SI: variants seen among roughly 807,000 people sequenced by gnomAD.
The protein encoded by SI is sucrase-isomaltase, also known as sucrase-isomaltase, intestinal.
In SI, 235 loss-of-function variants were observed where a neutral mutation model predicts 253.3. The ratio of observed to expected loss-of-function variants is 0.93; its 90% CI spans 0.83 to 1.03. The LOEUF (loss-of-function observed/expected upper bound fraction) is 1.03. Among genes scored for constraint, SI ranks in the 50% least tolerant of loss-of-function variants. The pLI, the probability that SI is intolerant of heterozygous loss-of-function variation, is 0.00. For missense variants in SI, 2,442 were observed against 2,211.1 expected (o/e 1.10, Z -2.09); for synonymous variants, 819 against 712.0 (o/e 1.15, Z -2.39).
chr3:165,023,438 T>C (rs909757073), intron 26 of SI, 132 bp downstream of exon 26: 1 of 706,174 alleles, frequency 1.4e-6, no homozygotes, highest in African/African-American at 1.8e-5. Context: ...GGAAAAAATA[T>C]TTTTATAAAA....
chr3:165,012,720 G>T (rs895407006), intron 34 of SI, among the ~76,000 whole-genome samples: 4 of 152,026 alleles, frequency 2.6e-5, no homozygotes, highest in Non-Finnish European at 2.9e-5. Flanking sequence ...ATGAGCCACC[G>T]TGCCAGGCCA....
Position 164,979,322 on chromosome 3 carries a change from G to A in SI, c.*40C>T. 8.7e-7 allele frequency: 1 copy of A among 1,155,978 alleles called. No individual in the cohort carries two copies. Among genetic ancestry groups the A allele is most frequent in the Non-Finnish European group, 1.3e-6 (1 of 765,844 alleles). The allele number at this position is 1,155,978 out of a possible 1,614,324, so 71.6% of individuals were successfully genotyped here. On this transcript the variant is annotated 3_prime_UTR_variant, in exon 48 of 48. Coordinates refer to ENST00000264382, the MANE Select transcript of SI (RefSeq NM_001041.4). Reference sequence around the variant, plus strand: ...GTAAGTGCTGTGAAACTTAAATCCTGGTGTTTTTTCCCATTGACAACTAAA... The same window carrying A: ...GTAAGTGCTGTGAAACTTAAATCCTAGTGTTTTTTCCCATTGACAACTAAA...
chr3:164,979,546 T>C (rs1441755378), intron 47 of SI, 116 bp from the exon 48 acceptor site: 7 of 587,328 alleles, frequency 1.2e-5, no homozygotes, highest in Middle Eastern at 4.7e-4. Context: ...TTTTCTTTTA[T>C]ATCTTGAGAA....
chr3:164,982,699 C>T (rs1717249298), intron 46 of SI, among the ~76,000 whole-genome samples: 2 of 152,056 alleles, frequency 1.3e-5, no homozygotes, highest in Non-Finnish European at 2.9e-5. Flanking sequence ...TCCATTACTG[C>T]CAGGCTGGAG....
chr3:165,031,832 A>T (rs1712263292), intron 24 of SI, among the ~76,000 whole-genome samples: 1 of 151,192 alleles, frequency 6.6e-6, no homozygotes, highest in South Asian at 2.1e-4. Context: ...AAGCAACATT[A>T]TGATTGAAAT....
the SI span, among the ~76,000 whole-genome samples, chr3:165,084,770 G>T: frequency 6.6e-6 from 1 of 152,046 alleles, no homozygotes; most frequent in East Asian, 1.9e-4. Flanking sequence ...ATTGGAAACA[G>T]CTATTCTAAA....
At chr3:165,058,229 T>C (rs898887947) in intron 12 of SI, among the ~76,000 whole-genome samples, 1 of 151,922 alleles carries the variant, frequency 6.6e-6, no homozygotes, top group Non-Finnish European at 1.5e-5. Context: ...TTACAAATGT[T>C]TTTAAAACAA....
chr3:165,013,250 A>C (rs1718854480), intron 33 of SI, among the ~76,000 whole-genome samples: 1 of 152,196 alleles, frequency 6.6e-6, no homozygotes, highest in Non-Finnish European at 1.5e-5. Flanking sequence ...TTAATATGGC[A>C]AATACAAAAT....
At chr3:165,027,128 G>A (rs1344671087) in intron 25 of SI, among the ~76,000 whole-genome samples, 8 of 151,354 alleles carry the variant, frequency 5.3e-5, no homozygotes, top group Admixed American at 4.0e-4. Flanking sequence ...AATGAAATGC[G>A]AGATACTACA....
chr3:165,037,846 A>C, intron 21 of SI, 54 bp downstream of exon 21: 1 of 1,238,406 alleles, frequency 8.1e-7, no homozygotes, highest in Non-Finnish European at 1.2e-6. Context: ...GCAAATATGA[A>C]ATATTAAGAT....
chr3:164,993,946 A>T (rs796844777), intron 41 of SI, among the ~76,000 whole-genome samples: 15 of 151,780 alleles, frequency 9.9e-5, no homozygotes, highest in African/African-American at 3.4e-4. Flanking sequence ...CTCCCTGGAA[A>T]TGTTGAGAAT....
Position 165,019,721 on chromosome 3 carries a change from T to C in SI, c.3304A>G (p.Ile1102Val). The stretch of plus-strand genomic sequence containing the variant: ...TATTCTGATGGCAGGCGAGTCGATA[T>C]TTGAATGAACTGGTCATTAAAAGCA... ...GFAFNDQFIQ[I>V]STRLPSEYIY... The change falls in exon 28 of 48, where the codon ATA (isoleucine) becomes GTA (valine). Residue 1102 changes from isoleucine (I) to valine (V), a missense_variant. Transcript: ENST00000264382. 1 of 1,612,788 alleles carries C rather than the reference T, an allele frequency of 6.2e-7. No individual in the cohort carries two copies. Among genetic ancestry groups the C allele is most frequent in the Non-Finnish European group, 8.5e-7 (1 of 1,179,120 alleles).
At chr3:165,074,868 G>T (rs575918020) in intron 2 of SI, among the ~76,000 whole-genome samples, 32 of 152,094 alleles carry the variant, frequency 2.1e-4, no homozygotes, top group African/African-American at 6.5e-4. Flanking sequence ...TTTTAAAATT[G>T]ACAGTGTAGA....
chr3:165,032,729 A>T (rs374912635), intron 23 of SI, 37 bp from the exon 24 acceptor site: 166 of 1,385,752 alleles, frequency 1.2e-4, no homozygotes, highest in Non-Finnish European at 1.6e-4. Flanking sequence ...ATATTAGGTC[A>T]TCAGATACAA....
rs1452392007 is a variant in SI, at chr3:164,979,395, A to T, written c.5451T>A (p.Thr1817=). Residue 1817 remains threonine, a synonymous_variant, in exon 48 of 48, where the codon ACT becomes ACA. Transcript: ENST00000264382. ...AGTTGATTTCTATTGGTTCTTCTAG[A>T]GTAACATTGTGTGTGGTCAGATCAA... ...LRIDLTTHNV[T]LEEPIEINWS The T allele has an allele frequency of 6.3e-7, 1 of 1,590,216 alleles. No homozygotes were observed. Among genetic ancestry groups the T allele is most frequent in the Non-Finnish European group, 8.6e-7 (1 of 1,159,708 alleles).
At chr3:164,998,474 C>G in intron 38 of SI, 66 bp downstream of exon 38, 1 of 1,522,216 alleles carries the variant, frequency 6.6e-7, no homozygotes, top group East Asian at 2.3e-5. Context: ...TATGACCTAG[C>G]ACCAGCAAAA....
intron 12 of SI, 43 bp downstream of exon 12, chr3:165,058,920 A>T (rs1357777926): frequency 1.3e-6 from 2 of 1,553,534 alleles, no homozygotes; most frequent in Admixed American, 1.7e-5. Flanking sequence ...ATTTCAGAGA[A>T]GAAAATTTGA....
Position 164,991,495 on chromosome 3 carries a change from G to A in SI, c.4984-18C>T, listed in dbSNP as rs763052713. The A allele has an allele frequency of 1.9e-6, 3 of 1,612,986 alleles. No individual in the cohort carries two copies. Among genetic ancestry groups the A allele is most frequent in the East Asian group, 2.2e-5 (1 of 44,766 alleles). ...TCTTTGCCCTGGAAATGAAAGGGAT[G>A]GAAAGAACAGGTGGAGCAAGAAATG... On this transcript the variant is annotated intron_variant, in intron 43 of 47. Coordinates refer to ENST00000264382, the MANE Select transcript of SI (RefSeq NM_001041.4).
At chr3:165,082,448 G>T (rs6443504), upstream of SI, among the ~76,000 whole-genome samples, 89,266 of 151,776 alleles carry the variant, frequency 0.59, 26,566 homozygotes, top group East Asian at 0.81. Context: ...CTCATTATAT[G>T]CCCAGTGCAG....
Sources: allele counts gnomAD v4.1 joint callset (sites outside exome capture counted in the v4.1 genomes callset), GRCh38; gene constraint gnomAD v4.1.1; transcripts MANE v1.5; gene names NCBI Gene and HGNC (gene_info 2026-07-23, HGNC 2026-07-21).